Variants in SUPT16H observed in about 807,000 individuals in gnomAD.
SUPT16H encodes the protein SPT16 homolog, facilitates chromatin remodeling subunit, also known as FACT complex subunit SPT16.
Under a neutral mutation model 136.2 loss-of-function variants are expected in SUPT16H, and 24 were observed. The observed-to-expected ratio is 0.18, with a 90% CI of 0.13 to 0.25. SUPT16H has a LOEUF of 0.25. Ranked by LOEUF, SUPT16H falls within the 10% of genes least tolerant of loss-of-function variation. The pLI is 1.00. For synonymous variants in SUPT16H, 415 were observed against 428.2 expected, an observed-to-expected ratio of 0.97 and a Z score of 0.38; for missense variants, 623 against 1,270.2, an observed-to-expected ratio of 0.49 and a Z score of 7.74.
intron 2 of SUPT16H, among the ~76,000 whole-genome samples, chr14:21,372,938 A>G (rs529998218): frequency 9.8e-4 from 149 of 152,232 alleles, no homozygotes; most frequent in African/African-American, 3.3e-3. Context: ...GATGGGACTG[A>G]GAAATTGAAA....
chr14:21,383,641 G>A (rs1887096019), intron 1 of SUPT16H: 1 of 710,396 alleles, frequency 1.4e-6, no homozygotes, highest in East Asian at 2.7e-5. Flanking sequence ...CTGGCACGCG[G>A]GGAAGATGGT....
rs576179172 is a variant in SUPT16H, at chr14:21,355,763, C to G, written c.2661-1223G>C. On this transcript the variant is annotated intron_variant, in intron 22 of 25. Coordinates refer to ENST00000216297, the MANE Select transcript of SUPT16H (RefSeq NM_007192.4). ...TAAGAGTGGGTAAGAAGAAAAAAATCAAAGAAATGACAATAGTAAGGATAA... is the reference window on the plus strand; with the variant it reads ...TAAGAGTGGGTAAGAAGAAAAAAATGAAAGAAATGACAATAGTAAGGATAA... Among the ~76,000 whole-genome samples, 28 of 151,990 alleles carry G rather than the reference C, an allele frequency of 1.8e-4. No individual in the cohort carries two copies. In the South Asian group the frequency reaches 5.6e-3, roughly 30 times the overall value.
intron 10 of SUPT16H, 34 bp from the exon 11 acceptor site, chr14:21,363,537 TA>T (rs1757737704): frequency 6.3e-7 from 1 of 1,584,890 alleles, no homozygotes; most frequent in African/African-American, 1.4e-5. Flanking sequence ...ACACATTATT[TA>T]AAAGAGGCAA....
chr14:21,381,624 A>G (rs1213577664), intron 1 of SUPT16H, among the ~76,000 whole-genome samples: 1 of 119,212 alleles, frequency 8.4e-6, no homozygotes, highest in East Asian at 2.4e-4. Context: ...TTTTTTTTTA[A>G]TTTATTTTTT....
At chr14:21,368,853 G>A (rs1440113860) in intron 6 of SUPT16H, among the ~76,000 whole-genome samples, 1 of 152,058 alleles carries the variant, frequency 6.6e-6, no homozygotes, top group African/African-American at 2.4e-5. Flanking sequence ...CTTATATGTG[G>A]GAACTAAAAA....
chr14:21,360,537 G>C lies in SUPT16H; in HGVS notation c.2057-4C>G, dbSNP rs759764412. The C allele has an allele frequency of 3.1e-6, 5 of 1,605,666 alleles. No individual in the cohort carries two copies. Among genetic ancestry groups the C allele is most frequent in the South Asian group, 1.1e-5 (1 of 90,186 alleles). ...CGAACAGATGTGAAGCGGAAGCCTG[G>C]GGAAAAGAATGAAGAAATGTCAAGC... On this transcript the variant is annotated splice_region_variant and splice_polypyrimidine_tract_variant and intron_variant, in intron 17 of 25. Coordinates refer to ENST00000216297, the MANE Select transcript of SUPT16H (RefSeq NM_007192.4).
At chr14:21,366,183 C>T (rs1016376080) in intron 8 of SUPT16H, among the ~76,000 whole-genome samples, 1 of 152,146 alleles carries the variant, frequency 6.6e-6, no homozygotes. Flanking sequence ...GATAATATTT[C>T]CTAACATCTG....
intron 1 of SUPT16H, among the ~76,000 whole-genome samples, chr14:21,375,291 A>C (rs1886877270): frequency 6.6e-6 from 1 of 152,074 alleles, no homozygotes; most frequent in Admixed American, 6.5e-5. Flanking sequence ...CTGGGATTAC[A>C]GGCATGAGCC....
rs928978769 is a variant in SUPT16H, at chr14:21,360,910, A to G, written c.1992T>C (p.Asp664=). The G allele has an allele frequency of 6.2e-7, 1 of 1,613,986 alleles. No homozygotes were observed. Among genetic ancestry groups the G allele is most frequent in the Non-Finnish European group, 8.5e-7 (1 of 1,180,028 alleles). ...NLNRSNPKLK[D]LYIRPNIAQK... is the part of the protein sequence containing the mutation. ...GGGCAATATTTGGGCGAATGTATAG[A>G]TCTTTCAGTTTCGGATTACTCCGGT... Residue 664 remains aspartate (D), a synonymous_variant, in exon 17 of 26, where the codon GAT becomes GAC. Transcript: ENST00000216297.
chr14:21,359,730 T>C (rs564569566), intron 18 of SUPT16H, 121 bp from the exon 19 acceptor site: 1 of 1,130,324 alleles, frequency 8.8e-7, no homozygotes, highest in African/African-American at 1.6e-5. Context: ...AAACCACCCC[T>C]GGTGTCATCA....
chr14:21,361,267 G>GTACTGATT (rs750483209), intron 15 of SUPT16H, 54 bp from the exon 16 acceptor site: 1 of 1,546,750 alleles, frequency 6.5e-7, no homozygotes, highest in Non-Finnish European at 8.8e-7. Flanking sequence ...CAGGGAAATT[G>GTACTGATT]TACTGATTTA....
Position 21,354,676 on chromosome 14 carries a change from C to T in SUPT16H, c.2661-136G>A, listed in dbSNP as rs1462445830. ...GCACAATCTTCGCTCACTGCAACCTCTGCCTCCTAGGTTCAAGTGATTCTC... is the reference window on the plus strand; with the variant it reads ...GCACAATCTTCGCTCACTGCAACCTTTGCCTCCTAGGTTCAAGTGATTCTC... On this transcript the variant is annotated intron_variant, in intron 22 of 25. Coordinates refer to ENST00000216297, the MANE Select transcript of SUPT16H (RefSeq NM_007192.4). The T allele has an allele frequency of 4.8e-6, 5 of 1,051,360 alleles. No individual in the cohort carries two copies. The African/African-American group carries it at 8.2e-5, about 17-fold the overall frequency. The allele number at this position is 1,051,360 out of a possible 1,614,324, so 65.1% of individuals were successfully genotyped here. A position where few individuals can be genotyped will look rare whatever the true frequency, so the allele number is the denominator to read the frequency against.
At position 21,371,851 on chromosome 14, in the gene SUPT16H, A is replaced by G. The variant is rs545558779; in HGVS notation, c.330+23T>C. On this transcript the variant is annotated intron_variant, in intron 3 of 25. Coordinates refer to ENST00000216297, the MANE Select transcript of SUPT16H (RefSeq NM_007192.4). ...TTTTGAAGATTCTTCCACATTTATG[A>G]CACATTCTTTATTAATCCTGACCTT... is the stretch of plus-strand genomic sequence containing the variant. 20 of 1,611,432 alleles carry G rather than the reference A, an allele frequency of 1.2e-5. No homozygotes were observed. The South Asian group carries it at 2.2e-4, about 18-fold the overall frequency.
intron 18 of SUPT16H, among the ~76,000 whole-genome samples, chr14:21,360,089 G>A (rs146566856): frequency 1.1e-3 from 166 of 152,122 alleles, no homozygotes; most frequent in Non-Finnish European, 2.0e-3. Flanking sequence ...GTACAATGGC[G>A]CGATCTCGGC....
chr14:21,372,159 G>A (rs1419754112), intron 2 of SUPT16H, 115 bp from the exon 3 acceptor site: 2 of 1,224,830 alleles, frequency 1.6e-6, no homozygotes, highest in Non-Finnish European at 2.2e-6. Context: ...TTAACTCCAA[G>A]GTAATCAGGC....
chr14:21,371,362 C>T (rs1050062793), intron 3 of SUPT16H, among the ~76,000 whole-genome samples: 2 of 152,152 alleles, frequency 1.3e-5, no homozygotes, highest in African/African-American at 4.8e-5. Flanking sequence ...AAGCAATCCT[C>T]CCATCTCAGC....
chr14:21,367,454 T>G (rs1203445082), intron 7 of SUPT16H, among the ~76,000 whole-genome samples: 1 of 152,210 alleles, frequency 6.6e-6, no homozygotes, highest in Non-Finnish European at 1.5e-5. Context: ...TGAATGGGTA[T>G]GTCAAGCTAA....
rs200528035 is a variant in SUPT16H at position 21,383,851 on chromosome 14, A to G, written c.66+11T>C. On this transcript the variant is annotated intron_variant, in intron 1 of 25. Coordinates refer to ENST00000216297, the MANE Select transcript of SUPT16H (RefSeq NM_007192.4). ...GGGGCTCCCTAGGAAAAATTACAGGATCTTCCTCACCCGCCAATTGCTGTA... is the reference window on the plus strand; with the variant it reads ...GGGGCTCCCTAGGAAAAATTACAGGGTCTTCCTCACCCGCCAATTGCTGTA... The G allele has an allele frequency of 3.5e-3, 5,586 of 1,613,916 alleles. 25 individuals carry two copies. The highest frequency in any genetic ancestry group is 3.7e-3 in the Non-Finnish European group (4,399 of 1,179,964).
intron 10 of SUPT16H, among the ~76,000 whole-genome samples, chr14:21,364,044 C>T (rs1886613772): frequency 6.6e-6 from 1 of 152,158 alleles, no homozygotes; most frequent in Non-Finnish European, 1.5e-5. Context: ...AAGCCTGGCT[C>T]AGTTGCTTTC....
Sources: allele counts gnomAD v4.1 joint callset (sites outside exome capture counted in the v4.1 genomes callset), GRCh38; gene constraint gnomAD v4.1.1; transcripts MANE v1.5; gene names NCBI Gene and HGNC (gene_info 2026-07-23, HGNC 2026-07-21).